ARL6IP6: variants seen among roughly 807,000 people sequenced by gnomAD.
ARL6IP6 encodes ARF like GTPase 6 interacting protein 6.
In ARL6IP6, 22 loss-of-function variants were observed where a neutral mutation model predicts 21.5. The ratio of observed to expected loss-of-function variants is 1.02; its 90% CI spans 0.73 to 1.46. The LOEUF (loss-of-function observed/expected upper bound fraction) is 1.46. ARL6IP6 is among the 40% of genes most tolerant of loss of function. The probability of loss-of-function intolerance (pLI) is 0.00; values close to 1 mark genes in which losing one functional copy is unlikely to be tolerated. For missense variants in ARL6IP6, 388 were observed against 299.8 expected (o/e 1.29, Z -2.17); for synonymous variants, 164 against 125.3 (o/e 1.31, Z -2.06).
intron 3 of ARL6IP6, among the ~76,000 whole-genome samples, chr2:152,740,342 GCCCAC>G (rs1488851670): frequency 1.3e-4 from 20 of 152,180 alleles, no homozygotes; most frequent in Middle Eastern, 3.4e-3. Flanking sequence ...CAAGCAGCCT[GCCCAC>G]CTTGGCCTCT....
intron 2 of ARL6IP6, among the ~76,000 whole-genome samples, chr2:152,733,829 C>T (rs1365080843): frequency 6.6e-6 from 1 of 152,080 alleles, no homozygotes; most frequent in African/African-American, 2.4e-5. Context: ...TATTATCTTC[C>T]TATCCCACTA....
rs755803658 is a variant in ARL6IP6 at position 152,718,778 on chromosome 2, G to C, written c.154G>C (p.Ala52Pro). The C allele has an allele frequency of 2.0e-5, 32 of 1,608,432 alleles. No homozygotes were observed. Among genetic ancestry groups the C allele is most frequent in the Non-Finnish European group, 2.5e-5 (30 of 1,177,300 alleles). ...CGAGGAGGAGGGATGCGACCAAGTG[G>C]CCCGCGACCTGCGGGCGGAGTTCTC... ...VDEEEGCDQVARDLRAEFSAG... is the reference protein window; with the variant it reads ...VDEEEGCDQVPRDLRAEFSAG... The change falls in exon 1 of 4, where the codon GCC becomes CCC. Residue 52 changes from alanine to proline, a missense_variant. By Grantham distance (27) the Ala-to-Pro change is conservative. Coordinates refer to ENST00000326446, the MANE Select transcript of ARL6IP6 (RefSeq NM_152522.7).
intron 3 of ARL6IP6, among the ~76,000 whole-genome samples, chr2:152,753,699 CTTTTTTTT>C (rs138584533): frequency 1.9e-5 from 2 of 107,380 alleles, no homozygotes; most frequent in Non-Finnish European, 3.9e-5. Flanking sequence ...TTCAGGTCCT[CTTTTTTTT>C]TTTTTTTTTT....
intron 2 of ARL6IP6, among the ~76,000 whole-genome samples, chr2:152,723,372 A>G (rs2105091095): frequency 1.3e-5 from 2 of 152,356 alleles, no homozygotes; most frequent in Admixed American, 1.3e-4. Context: ...GGAACCTCGT[A>G]GCCAAATGTA....
intron 2 of ARL6IP6, among the ~76,000 whole-genome samples, chr2:152,732,065 A>G (rs1038941443): frequency 6.6e-6 from 1 of 151,952 alleles, no homozygotes; most frequent in Non-Finnish European, 1.5e-5. Context: ...GTTGTTTTCA[A>G]TCTATGTTAT....
intron 3 of ARL6IP6, among the ~76,000 whole-genome samples, chr2:152,736,575 T>C (rs2105133676): frequency 6.6e-6 from 1 of 152,328 alleles, no homozygotes. Context: ...GCATTTTCAC[T>C]GTTTTTGTAC....
At chr2:152,750,442 C>G (rs1701271057) in intron 3 of ARL6IP6, among the ~76,000 whole-genome samples, 1 of 148,296 alleles carries the variant, frequency 6.7e-6, no homozygotes, top group East Asian at 2.0e-4. Context: ...CACCACTGCA[C>G]TCCAGACCAG....
chr2:152,734,555 A>C (rs114423695), intron 2 of ARL6IP6, among the ~76,000 whole-genome samples: 4 of 152,094 alleles, frequency 2.6e-5, no homozygotes, highest in Non-Finnish European at 1.5e-5. Context: ...CAGTGGTGCA[A>C]TCTAGGCACA....
In ARL6IP6 at chr2:152,755,700, T is replaced by A. The variant is rs557540053; in HGVS notation, c.588-4047T>A. ...TTTACCCTGCCCCTTTTGCTTTGTA[T>A]CCAATAAATAACAGCGCAGCTAGAC... On this transcript the variant is annotated intron_variant, in intron 3 of 3. Transcript: ENST00000326446. 5.3e-5 allele frequency among the ~76,000 whole-genome samples: 8 copies of A among 152,304 alleles called. No homozygotes were observed. The East Asian group carries it at 1.4e-3, about 26-fold the overall frequency.
At chr2:152,720,017 T>C (rs903050416) in intron 1 of ARL6IP6, 5 of 451,980 alleles carry the variant, frequency 1.1e-5, no homozygotes, top group African/African-American at 1.0e-4. Context: ...AAACTGAATG[T>C]GCATAAAATG....
chr2:152,717,905 G>C, upstream of ARL6IP6: 1 of 1,002,988 alleles, frequency 1.0e-6, no homozygotes, highest in Non-Finnish European at 1.2e-6. Context: ...GGGACCGAAT[G>C]CGCGCGCGCG....
chr2:152,723,389 TTTGA>T (rs1374923212), intron 2 of ARL6IP6, among the ~76,000 whole-genome samples: 1 of 152,224 alleles, frequency 6.6e-6, no homozygotes, highest in African/African-American at 2.4e-5. Flanking sequence ...TGTAATAATG[TTTGA>T]TTGTTTTGTA....
At chr2:152,749,479 A>G (rs1200333963) in intron 3 of ARL6IP6, among the ~76,000 whole-genome samples, 1 of 152,170 alleles carries the variant, frequency 6.6e-6, no homozygotes, top group Non-Finnish European at 1.5e-5. Context: ...GGAAGGGAGA[A>G]TCTAAGTAGA....
intron 2 of ARL6IP6, among the ~76,000 whole-genome samples, chr2:152,731,833 C>T (rs1242192143): frequency 2.6e-5 from 4 of 152,036 alleles, no homozygotes; most frequent in Non-Finnish European, 5.9e-5. Context: ...ATATATACAA[C>T]ATATGTATAT....
chr2:152,739,488 C>G (rs1291803099), intron 3 of ARL6IP6, among the ~76,000 whole-genome samples: 2 of 152,196 alleles, frequency 1.3e-5, no homozygotes, highest in African/African-American at 4.8e-5. Context: ...AGTTCCTCAT[C>G]TCTGTTGGAG....
chr2:152,743,585 G>A (rs970646872), intron 3 of ARL6IP6, among the ~76,000 whole-genome samples: 1 of 152,050 alleles, frequency 6.6e-6, no homozygotes, highest in East Asian at 1.9e-4. Context: ...AATGATTTCC[G>A]TAGCTGAAAT....
chr2:152,730,146 A>G (rs1351682558), intron 2 of ARL6IP6, among the ~76,000 whole-genome samples: 1 of 152,214 alleles, frequency 6.6e-6, no homozygotes, highest in South Asian at 2.1e-4. Context: ...ACATAAAATA[A>G]TAAAAATGCT....
In ARL6IP6 at chr2:152,718,856, A is replaced by G. The variant is rs2105062212; in HGVS notation, c.232A>G (p.Asn78Asp). Residue 78 changes from asparagine to aspartate, a missense_variant, in exon 1 of 4, where the codon AAC becomes GAC. Asn to Asp is a conservative substitution (Grantham distance 23, BLOSUM62 1). Coordinates refer to ENST00000326446, the MANE Select transcript of ARL6IP6 (RefSeq NM_152522.7). The part of the protein sequence containing the change: ...RKRSVLPPDG[N>D]GSPVLPDKRN... ...GCGCTCGGTGCTCCCGCCGGACGGG[A>G]ACGGGTCGCCCGTTCTGCCCGATAA... 2 of 1,613,004 alleles carry G rather than the reference A, an allele frequency of 1.2e-6. No homozygotes were observed. Among genetic ancestry groups the G allele is most frequent in the Non-Finnish European group, 1.7e-6 (2 of 1,179,436 alleles).
intron 2 of ARL6IP6, among the ~76,000 whole-genome samples, chr2:152,731,882 A>G (rs180976738): frequency 5.3e-5 from 8 of 152,246 alleles, no homozygotes; most frequent in African/African-American, 1.9e-4. Flanking sequence ...TTATTTATAC[A>G]AATGCATAGA....
Sources: gnomAD v4.1 joint callset for allele counts (sites outside exome capture counted in the v4.1 genomes callset) on GRCh38, gnomAD v4.1.1 for gene constraint, MANE v1.5 for transcripts, NCBI Gene and HGNC (gene_info 2026-07-23, HGNC 2026-07-21) for gene names.